The following MAN2A1 variants were observed in gnomAD, a reference collection of about 807,000 sequenced individuals.
MAN2A1 encodes the protein mannosidase alpha class 2A member 1.
Under a neutral mutation model 142.6 loss-of-function variants are expected in MAN2A1, and 76 were observed. The observed-to-expected ratio is 0.53, with a 90% CI of 0.44 to 0.65. The LOEUF (loss-of-function observed/expected upper bound fraction) is 0.65, where lower values mean the gene tolerates loss of function less well. Among genes scored for constraint, MAN2A1 ranks in the 30% least tolerant of loss-of-function variants. The pLI is 0.00. For synonymous variants in MAN2A1, 559 were observed against 473.2 expected, an observed-to-expected ratio of 1.18 and a Z score of -2.35; for missense variants, 1,311 against 1,365.1, an observed-to-expected ratio of 0.96 and a Z score of 0.62.
At chr5:109,762,243 G>A (rs960985216) in intron 5 of MAN2A1, among the ~76,000 whole-genome samples, 2 of 151,946 alleles carry the variant, frequency 1.3e-5, no homozygotes, top group Admixed American at 6.6e-5. Context: ...TTTCTGTAGG[G>A]CATTTTTATT....
intron 1 of MAN2A1, among the ~76,000 whole-genome samples, chr5:109,711,494 G>A (rs978487959): frequency 7.9e-5 from 12 of 152,180 alleles, no homozygotes; most frequent in African/African-American, 2.9e-4. Context: ...TGAACTTTGG[G>A]TTATGCCAAG....
At chr5:109,736,486 C>T (rs571223644) in intron 4 of MAN2A1, among the ~76,000 whole-genome samples, 1 of 152,212 alleles carries the variant, frequency 6.6e-6, no homozygotes, top group East Asian at 1.9e-4. Flanking sequence ...CCCTGCACTC[C>T]AGCCTGGGTG....
At chr5:109,783,676 C>G (rs1204853744) in intron 9 of MAN2A1, among the ~76,000 whole-genome samples, 1 of 149,572 alleles carries the variant, frequency 6.7e-6, no homozygotes, top group African/African-American at 2.5e-5. Flanking sequence ...CTGCATTGTC[C>G]TTAAAACATG....
chr5:109,729,513 G>A lies in MAN2A1; in HGVS notation c.707G>A (p.Ser236Asn). 1 of 1,475,838 alleles carries A rather than the reference G, an allele frequency of 6.8e-7. No individual in the cohort carries two copies. The highest frequency in any genetic ancestry group is 9.0e-7 in the Non-Finnish European group (1 of 1,108,994). The allele number at this position is 1,475,838 out of a possible 1,614,324, so 91.4% of individuals were successfully genotyped here. The change falls in exon 4 of 22, where the codon AGT (serine) becomes AAT (asparagine). Residue 236 changes from serine to asparagine, a missense_variant and splice_region_variant. By Grantham distance (46) the Ser-to-Asn change is conservative. This residue lies in a region of MAN2A1 where 409 missense variants were observed against 412.7 expected (regional missense o/e 0.99). Transcript: ENST00000261483. ...IDIQKKDAVKSLIENGQLEIV... is the reference protein window; with the variant it reads ...IDIQKKDAVKNLIENGQLEIV... ...ATTCAGAAGAAGGATGCTGTTAAAA[G>A]GTTTGTTTTAAAACTTTTTTGGAAT...
At chr5:109,851,345 C>G (rs28712484) in intron 19 of MAN2A1, among the ~76,000 whole-genome samples, 12,389 of 152,224 alleles carry the variant, frequency 0.081, 590 homozygotes, top group African/African-American at 0.14. Context: ...ATGTGTCCCC[C>G]AAAAGTTCAT....
intron 4 of MAN2A1, among the ~76,000 whole-genome samples, chr5:109,734,591 A>C (rs1293926658): frequency 6.6e-6 from 1 of 152,156 alleles, no homozygotes; most frequent in African/African-American, 2.4e-5. Context: ...CATTGGTTTC[A>C]AAGAACATCT....
chr5:109,690,964 C>T (rs1377607441), intron 1 of MAN2A1, among the ~76,000 whole-genome samples: 1 of 152,178 alleles, frequency 6.6e-6, no homozygotes, highest in Non-Finnish European at 1.5e-5. Flanking sequence ...AGCCCAGAGC[C>T]CCTGAGCGCA....
chr5:109,700,338 C>T (rs1337160636), intron 1 of MAN2A1, among the ~76,000 whole-genome samples: 1 of 141,864 alleles, frequency 7.0e-6, no homozygotes, highest in African/African-American at 2.6e-5. Flanking sequence ...TGCCATGCTT[C>T]TTCTAGAACT....
intron 4 of MAN2A1, among the ~76,000 whole-genome samples, chr5:109,732,689 T>A (rs1251025436): frequency 2.2e-4 from 33 of 152,202 alleles, no homozygotes; most frequent in Non-Finnish European, 4.3e-4. Context: ...GTGGCATTAT[T>A]TCTGAGGGCT....
At chr5:109,763,283 A>T (rs763412672) in intron 5 of MAN2A1, among the ~76,000 whole-genome samples, 7 of 152,162 alleles carry the variant, frequency 4.6e-5, no homozygotes, top group African/African-American at 9.6e-5. Flanking sequence ...GACCTCTATG[A>T]ATTTAATTAG....
intron 5 of MAN2A1, among the ~76,000 whole-genome samples, chr5:109,755,982 T>C (rs1752678390): frequency 6.6e-6 from 1 of 151,952 alleles, no homozygotes; most frequent in Non-Finnish European, 1.5e-5. Context: ...TTTTCCAACC[T>C]AGCAACCAGG....
Position 109,789,446 on chromosome 5 carries a change from G to A in MAN2A1, c.1876-14G>A, listed in dbSNP as rs1310112328. 1 of 1,499,616 alleles carries A rather than the reference G, an allele frequency of 6.7e-7. No homozygotes were observed. Among genetic ancestry groups the A allele is most frequent in the Non-Finnish European group, 9.1e-7 (1 of 1,094,542 alleles). The allele number at this position is 1,499,616 out of a possible 1,614,324, so 92.9% of individuals were successfully genotyped here. A position where few individuals can be genotyped will look rare whatever the true frequency, so the allele number is the denominator to read the frequency against. On this transcript the variant is annotated splice_polypyrimidine_tract_variant and intron_variant, in intron 11 of 21. Coordinates refer to ENST00000261483, the MANE Select transcript of MAN2A1 (RefSeq NM_002372.4). ...TGTTAAGTAAAATTAAAAAATTACT[G>A]TTCATTTTTATAGGATTTGAAACAA...
In MAN2A1 at chr5:109,729,342, G is replaced by A; in HGVS notation, c.536G>A (p.Gly179Asp). 2 of 1,596,362 alleles carry A rather than the reference G, an allele frequency of 1.3e-6. No individual in the cohort carries two copies. The highest frequency in any genetic ancestry group is 1.7e-6 in the Non-Finnish European group (2 of 1,171,672). The change falls in exon 4 of 22, where the codon GGT becomes GAT. Residue 179 changes from glycine to aspartate, a missense_variant and splice_region_variant. This residue lies in a region of MAN2A1 where 409 missense variants were observed against 412.7 expected (regional missense o/e 0.99). Transcript: ENST00000261483. Reference protein sequence around the residue: ...FVVPHSHNDPGWLKTFNDYFR... With the variant: ...FVVPHSHNDPDWLKTFNDYFR... Reference sequence around the variant, plus strand: ...GTGGTATATTTGTGTCTTGATTTAGGTTGGTTGAAGACTTTCAATGACTAC... The same window carrying A: ...GTGGTATATTTGTGTCTTGATTTAGATTGGTTGAAGACTTTCAATGACTAC...
At chr5:109,783,871 A>T (rs1561510154) in intron 9 of MAN2A1, among the ~76,000 whole-genome samples, 1 of 149,166 alleles carries the variant, frequency 6.7e-6, no homozygotes, top group African/African-American at 2.5e-5. Context: ...TACAAAGGAC[A>T]TTTTTTTTTT....
At chr5:109,716,306 CT>C in intron 3 of MAN2A1, 42 bp downstream of exon 3, 1 of 1,551,456 alleles carries the variant, frequency 6.4e-7, no homozygotes, top group Non-Finnish European at 8.8e-7. Flanking sequence ...TATTAAGTTT[CT>C]TTAGGCCTAG....
intron 4 of MAN2A1, among the ~76,000 whole-genome samples, chr5:109,740,682 G>T (rs1752243676): frequency 6.6e-6 from 1 of 152,124 alleles, no homozygotes. Flanking sequence ...CTTTGCCTCA[G>T]CCCTTGGCCC....
intron 4 of MAN2A1, among the ~76,000 whole-genome samples, chr5:109,730,466 T>G (rs1751872109): frequency 1.3e-5 from 2 of 152,148 alleles, no homozygotes; most frequent in Admixed American, 6.6e-5. Flanking sequence ...TGCTGTCATG[T>G]TTTAAAAAGT....
At chr5:109,796,053 C>A (rs1017677589) in intron 12 of MAN2A1, among the ~76,000 whole-genome samples, 15 of 152,090 alleles carry the variant, frequency 9.9e-5, no homozygotes, top group African/African-American at 3.6e-4. Flanking sequence ...TTCTCATAAA[C>A]CATTTTATTA....
chr5:109,825,937 C>T (rs1210377956), intron 16 of MAN2A1, among the ~76,000 whole-genome samples: 7 of 115,436 alleles, frequency 6.1e-5, no homozygotes, highest in Admixed American at 1.2e-4. Context: ...GACAGAGTCT[C>T]GCTCTATCGC....
Sources: gnomAD v4.1 joint callset for allele counts (sites outside exome capture counted in the v4.1 genomes callset) on GRCh38, gnomAD v4.1.1 for gene constraint, gnomAD v4.1.1 regional missense constraint, MANE v1.5 for transcripts, NCBI Gene and HGNC (gene_info 2026-07-23, HGNC 2026-07-21) for gene names.